PARD3B: variants seen among roughly 807,000 people sequenced by gnomAD.
The protein encoded by PARD3B is par-3 family cell polarity regulator beta, also known as partitioning defective 3 homolog B.
Under a neutral mutation model 130.2 loss-of-function variants are expected in PARD3B, and 103 were observed. The ratio of observed to expected loss-of-function variants is 0.79; its 90% CI spans 0.67 to 0.93. The LOEUF (loss-of-function observed/expected upper bound fraction) is 0.93. Ranked by LOEUF, PARD3B falls within the 40% of genes least tolerant of loss-of-function variation. The probability of loss-of-function intolerance (pLI) is 0.00; values close to 1 mark genes in which losing one functional copy is unlikely to be tolerated. For synonymous variants in PARD3B, 583 were observed against 553.2 expected (o/e 1.05, Z -0.76); for missense variants, 1,609 against 1,499.2 (o/e 1.07, Z -1.21).
At chr2:205,400,461 T>G (rs2106011111) in intron 18 of PARD3B, among the ~76,000 whole-genome samples, 1 of 152,144 alleles carries the variant, frequency 6.6e-6, no homozygotes, top group African/African-American at 2.4e-5. Context: ...GCCAACGTGG[T>G]GAAACCCCGT....
chr2:205,057,660 C>CATATATGTGTATGTGTATACGTAT (rs79214682), intron 4 of PARD3B, among the ~76,000 whole-genome samples: 1 of 77,968 alleles, frequency 1.3e-5, no homozygotes, highest in Non-Finnish European at 2.7e-5. Flanking sequence ...TGTATACGTA[C>CATATATGTGTATGTGTATACGTAT]ATATACATAT....
chr2:205,291,812 A>T lies in PARD3B; in HGVS notation c.2186-8718A>T, dbSNP rs2041617704. On this transcript the variant is annotated intron_variant, in intron 16 of 22. Coordinates refer to ENST00000406610, the MANE Select transcript of PARD3B (RefSeq NM_001302769.2). The surrounding 1 kb of genome is among the most constrained non-coding windows in gnomAD (Gnocchi z 4.6). ...AAAAGCCTGTTTGGGAAAGAATACTAAGGATGTGGTCAAACAACTGTTTGA... is the reference window on the plus strand; with the variant it reads ...AAAAGCCTGTTTGGGAAAGAATACTTAGGATGTGGTCAAACAACTGTTTGA... Among the ~76,000 whole-genome samples, 1 of 152,218 alleles carries T rather than the reference A, an allele frequency of 6.6e-6. No individual in the cohort carries two copies. The highest frequency in any genetic ancestry group is 2.4e-5 in the African/African-American group (1 of 41,462).
At chr2:204,607,832 C>T (rs2033782542) in intron 1 of PARD3B, among the ~76,000 whole-genome samples, 1 of 152,118 alleles carries the variant, frequency 6.6e-6, no homozygotes, top group African/African-American at 2.4e-5. Flanking sequence ...AGTTCTGTTC[C>T]TTGGGAGTTT....
intron 21 of PARD3B, among the ~76,000 whole-genome samples, chr2:205,520,153 TTTTG>T (rs897701024): frequency 9.9e-5 from 15 of 152,138 alleles, no homozygotes; most frequent in African/African-American, 2.9e-4. Context: ...GCCAAGGGTC[TTTTG>T]TTTGTTTGTG....
At chr2:205,503,499 T>C (rs2106350538) in intron 21 of PARD3B, among the ~76,000 whole-genome samples, 1 of 152,284 alleles carries the variant, frequency 6.6e-6, no homozygotes, top group Non-Finnish European at 1.5e-5. Context: ...AAATGAATAC[T>C]TCTGAGGGCT....
intron 18 of PARD3B, among the ~76,000 whole-genome samples, chr2:205,370,271 C>T (rs932620969): frequency 4.6e-5 from 7 of 152,232 alleles, no homozygotes; most frequent in African/African-American, 1.7e-4. Context: ...TTTTATTTCA[C>T]CAAGTAAAAA....
At chr2:204,733,804 G>C (rs2039625346) in intron 2 of PARD3B, among the ~76,000 whole-genome samples, 1 of 151,974 alleles carries the variant, frequency 6.6e-6, no homozygotes, top group Non-Finnish European at 1.5e-5. Context: ...AGTCTGATCA[G>C]CAAGTGGTAT....
chr2:205,596,823 G>A (rs1158049438), intron 22 of PARD3B, among the ~76,000 whole-genome samples: 1 of 152,082 alleles, frequency 6.6e-6, no homozygotes, highest in African/African-American at 2.4e-5. Flanking sequence ...ATTGAGAGGG[G>A]TACCAAAAAG....
intron 2 of PARD3B, among the ~76,000 whole-genome samples, chr2:204,713,109 C>G (rs917226874): frequency 2.6e-5 from 4 of 152,056 alleles, no homozygotes; most frequent in Non-Finnish European, 5.9e-5. Flanking sequence ...TGTTGAAGGA[C>G]ATTGGGCTGT....
chr2:205,271,285 A>G (rs2040714438), intron 16 of PARD3B, among the ~76,000 whole-genome samples: 1 of 152,224 alleles, frequency 6.6e-6, no homozygotes, highest in African/African-American at 2.4e-5. Flanking sequence ...GCTACCAGGC[A>G]AGGACCTTCA....
intron 2 of PARD3B, among the ~76,000 whole-genome samples, chr2:204,916,693 A>G (rs977799692): frequency 2.6e-5 from 4 of 152,126 alleles, no homozygotes; most frequent in Non-Finnish European, 2.9e-5. Flanking sequence ...TGTAATTAGA[A>G]CTAATTTATC....
intron 2 of PARD3B, among the ~76,000 whole-genome samples, chr2:204,863,046 A>G (rs1247051244): frequency 7.2e-5 from 11 of 152,118 alleles, no homozygotes; most frequent in Non-Finnish European, 1.3e-4. Context: ...CAGTCGGGAA[A>G]GGGCGGGCTC....
In PARD3B at chr2:205,190,592, C is replaced by G. The variant is rs190918394; in HGVS notation, c.2025-2613C>G. 5.9e-5 allele frequency among the ~76,000 whole-genome samples: 9 copies of G among 152,344 alleles called. No individual in the cohort carries two copies. In the East Asian group the frequency reaches 1.7e-3, roughly 30 times the overall value. Reference sequence around the variant, plus strand: ...ACCATTTCAGCCAGATCTTCTGGCTCTGGTCCCAGCTTTGCCCCTGGCCAG... The same window carrying G: ...ACCATTTCAGCCAGATCTTCTGGCTGTGGTCCCAGCTTTGCCCCTGGCCAG... On this transcript the variant is annotated intron_variant, in intron 14 of 22. Transcript: ENST00000406610.
intron 2 of PARD3B, among the ~76,000 whole-genome samples, chr2:204,924,276 CT>C (rs1322389940): frequency 6.6e-6 from 1 of 151,968 alleles, no homozygotes; most frequent in African/African-American, 2.4e-5. Flanking sequence ...GGAGAAGATA[CT>C]TTCTTCTTCA....
At chr2:204,567,695 A>G (rs1476049052) in intron 1 of PARD3B, among the ~76,000 whole-genome samples, 1 of 151,978 alleles carries the variant, frequency 6.6e-6, no homozygotes, top group Non-Finnish European at 1.5e-5. Flanking sequence ...TGTCTGTTCT[A>G]CTCTCTGCTT....
chr2:204,921,620 G>A (rs1054998426), intron 2 of PARD3B, among the ~76,000 whole-genome samples: 65 of 152,212 alleles, frequency 4.3e-4, no homozygotes, highest in African/African-American at 1.3e-3. Context: ...ATCCATTTTG[G>A]TGGTAAATAG....
chr2:205,447,845 G>A (rs901916222), intron 20 of PARD3B, among the ~76,000 whole-genome samples: 1 of 152,192 alleles, frequency 6.6e-6, no homozygotes, highest in African/African-American at 2.4e-5. Flanking sequence ...GATCACTCTA[G>A]TTGATGTAGA....
chr2:205,450,723 G>T (rs553653486), intron 20 of PARD3B, among the ~76,000 whole-genome samples: 1 of 152,050 alleles, frequency 6.6e-6, no homozygotes, highest in East Asian at 1.9e-4. Context: ...TGATCCGCCC[G>T]CCTCGGCCTC....
At chr2:205,226,134 C>T (rs1036326244) in intron 15 of PARD3B, among the ~76,000 whole-genome samples, 29 of 152,298 alleles carry the variant, frequency 1.9e-4, no homozygotes, top group African/African-American at 6.5e-4. Flanking sequence ...CTCCGCCTCC[C>T]GGGTTCACAC....
Sources: allele counts gnomAD v4.1 joint callset (sites outside exome capture counted in the v4.1 genomes callset), GRCh38; gene constraint gnomAD v4.1.1; non-coding constraint Gnocchi (gnomAD v3.1); transcripts MANE v1.5; gene names NCBI Gene and HGNC (gene_info 2026-07-23, HGNC 2026-07-21).